Variants in AKAP13 observed in about 807,000 individuals in gnomAD.
AKAP13 encodes A-kinase anchoring protein 13.
In AKAP13, 80 loss-of-function variants were observed where a neutral mutation model predicts 264.5. The ratio of observed to expected loss-of-function variants is 0.30; its 90% CI spans 0.25 to 0.36. The LOEUF is 0.36. Ranked by LOEUF, AKAP13 falls within the 10% of genes least tolerant of loss-of-function variation. The pLI, the probability that AKAP13 is intolerant of heterozygous loss-of-function variation, is 1.00. For synonymous variants in AKAP13, 1,380 were observed against 1,250.2 expected (o/e 1.10, Z -2.19); for missense variants, 3,712 against 3,435.2 (o/e 1.08, Z -2.01).
intron 6 of AKAP13, among the ~76,000 whole-genome samples, chr15:85,575,944 C>G (rs568388363): frequency 3.9e-5 from 6 of 152,292 alleles, no homozygotes; most frequent in African/African-American, 1.4e-4. Context: ...TGAGATGACA[C>G]CACTGCACTC....
intron 1 of AKAP13, among the ~76,000 whole-genome samples, chr15:85,446,220 G>T (rs2073893734): frequency 1.3e-5 from 2 of 152,180 alleles, no homozygotes; most frequent in African/African-American, 4.8e-5. Flanking sequence ...GTTGAACCTT[G>T]TGATAACGTG....
chr15:85,503,396 A>G (rs1024097049), intron 2 of AKAP13, among the ~76,000 whole-genome samples: 9 of 152,196 alleles, frequency 5.9e-5, no homozygotes, highest in African/African-American at 2.2e-4. Flanking sequence ...CTGGTACTAT[A>G]GCCCCCAAAG....
chr15:85,736,429 G>T (rs201562309), intron 33 of AKAP13, among the ~76,000 whole-genome samples: 55 of 133,228 alleles, frequency 4.1e-4, no homozygotes, highest in Admixed American at 2.4e-3. Context: ...TTTTTTGTTT[G>T]TTTGTTTGTT....
intron 1 of AKAP13, among the ~76,000 whole-genome samples, chr15:85,433,720 G>T (rs2073128942): frequency 6.6e-6 from 1 of 151,962 alleles, no homozygotes; most frequent in African/African-American, 2.4e-5. Flanking sequence ...ACTTTGGGAG[G>T]CTGAAGTGGG....
At chr15:85,629,556 C>G (rs987459778) in intron 8 of AKAP13, among the ~76,000 whole-genome samples, 1 of 152,038 alleles carries the variant, frequency 6.6e-6, no homozygotes, top group Non-Finnish European at 1.5e-5. Context: ...TCTCTGGAAG[C>G]TTATGGTCTT....
In AKAP13 at chr15:85,664,745, T is replaced by C. The variant is rs1447202957; in HGVS notation, c.4982T>C (p.Phe1661Ser). 1.2e-6 allele frequency: 2 copies of C among 1,612,114 alleles called. No individual in the cohort carries two copies. Among genetic ancestry groups the C allele is most frequent in the Non-Finnish European group, 1.7e-6 (2 of 1,179,308 alleles). ...LESDQREHRM[F>S]DQQICHRSKQ... ...TCAGACCAGAGAGAACATAGGATGT[T>C]TGATCAGCAGGTAAGTCTTAAATAT... The change falls in exon 13 of 37, where the codon TTT becomes TCT. Residue 1661 changes from phenylalanine to serine, a missense_variant. Phe to Ser is a radical substitution (Grantham distance 155, BLOSUM62 -2). This residue lies in a region of AKAP13 where 2,759 missense variants were observed against 2,411.7 expected (regional missense o/e 1.14). Coordinates refer to ENST00000394518, the MANE Select transcript of AKAP13 (RefSeq NM_007200.5).
chr15:85,734,179 C>T (rs1161074329), intron 30 of AKAP13, among the ~76,000 whole-genome samples: 2 of 152,170 alleles, frequency 1.3e-5, no homozygotes, highest in African/African-American at 4.8e-5. Context: ...ATTTTATGGA[C>T]ATGTCTTTCC....
At chr15:85,495,534 G>A (rs773975077) in intron 2 of AKAP13, among the ~76,000 whole-genome samples, 3 of 152,102 alleles carry the variant, frequency 2.0e-5, no homozygotes, top group Non-Finnish European at 4.4e-5. Context: ...ACATCTCTGT[G>A]TCTCCCTCAG....
Position 85,682,230 on chromosome 15 carries a change from C to T in AKAP13, c.5156+18C>T, listed in dbSNP as rs1467132102. The stretch of plus-strand genomic sequence containing the variant: ...ACTGAGAGGTACTATAAATTTGTTA[C>T]TCCTTTTTCCAGAAATAAAATGAAG... On this transcript the variant is annotated intron_variant, in intron 15 of 36. Transcript: ENST00000394518. 11 of 1,608,996 alleles carry T rather than the reference C, an allele frequency of 6.8e-6. No individual in the cohort carries two copies. Among genetic ancestry groups the T allele is most frequent in the Non-Finnish European group, 5.9e-6 (7 of 1,177,300 alleles).
At chr15:85,454,706 G>A (rs769598141) in intron 1 of AKAP13, among the ~76,000 whole-genome samples, 2 of 152,104 alleles carry the variant, frequency 1.3e-5, no homozygotes, top group African/African-American at 4.8e-5. Flanking sequence ...CATTTAAAGT[G>A]TACAGTTATT....
At chr15:85,587,295 G>GTA in intron 8 of AKAP13, among the ~76,000 whole-genome samples, 1 of 152,308 alleles carries the variant, frequency 6.6e-6, no homozygotes. Flanking sequence ...CATGTAAATG[G>GTA]TATAACACAA....
At chr15:85,532,856 C>T (rs1040495491) in intron 3 of AKAP13, among the ~76,000 whole-genome samples, 1 of 152,158 alleles carries the variant, frequency 6.6e-6, no homozygotes, top group African/African-American at 2.4e-5. Context: ...ACACTGGGCA[C>T]CATGGAGTCC....
chr15:85,427,967 T>C lies in AKAP13; in HGVS notation c.-12+47169T>C, dbSNP rs777333937. Among the ~76,000 whole-genome samples, 219 of 152,294 alleles carry C rather than the reference T, an allele frequency of 1.4e-3. 2 individuals carry two copies. The highest frequency in any genetic ancestry group is 1.1e-3 in the African/African-American group (45 of 41,566). ...GGATCACCAGTTTTCAGAGGAACAT[T>C]GATGAACTGGAGCTTACTGTCCAAC... On this transcript the variant is annotated intron_variant, in intron 1 of 36. Transcript: ENST00000394518.
At chr15:85,399,816 CAG>C (rs1392274276) in intron 1 of AKAP13, among the ~76,000 whole-genome samples, 1 of 152,084 alleles carries the variant, frequency 6.6e-6, no homozygotes, top group Non-Finnish European at 1.5e-5. Flanking sequence ...AGCAATAAAA[CAG>C]GGAAGTATTT....
rs192834656 is a variant in AKAP13, at chr15:85,538,724, C to T, written c.478+4844C>T. Among the ~76,000 whole-genome samples the T allele has an allele frequency of 5.1e-4, 77 of 151,388 alleles. 1 individual carries two copies. The highest frequency in any genetic ancestry group is 3.4e-3 in the Middle Eastern group (1 of 290). ...CAGGATGGTCTCGATCTCCTGACCTCGTGATCCTCCCGCCTCGGCCTCCCA... is the reference window on the plus strand; with the variant it reads ...CAGGATGGTCTCGATCTCCTGACCTTGTGATCCTCCCGCCTCGGCCTCCCA... On this transcript the variant is annotated intron_variant, in intron 4 of 36. Coordinates refer to ENST00000394518, the MANE Select transcript of AKAP13 (RefSeq NM_007200.5).
Position 85,461,637 on chromosome 15 carries a change from G to A in AKAP13, c.-11-24073G>A, listed in dbSNP as rs1010317174. On this transcript the variant is annotated intron_variant, in intron 1 of 36. Coordinates refer to ENST00000394518, the MANE Select transcript of AKAP13 (RefSeq NM_007200.5). ...TTTTGTTGTTGTTGTTGGGGGAGGG[G>A]TGCAGGGAAGTCTCTTTCCTTCTTG... Among the ~76,000 whole-genome samples the A allele has an allele frequency of 5.3e-5, 8 of 151,950 alleles. No homozygotes were observed. The South Asian group carries it at 1.5e-3, about 28-fold the overall frequency.
chr15:85,680,799 G>A (rs535504696), intron 14 of AKAP13, among the ~76,000 whole-genome samples: 3 of 152,194 alleles, frequency 2.0e-5, no homozygotes, highest in South Asian at 2.1e-4. Context: ...TTTCAAATGC[G>A]GGTAATCTGG....
At chr15:85,397,893 A>G (rs2071197707) in intron 1 of AKAP13, among the ~76,000 whole-genome samples, 1 of 152,234 alleles carries the variant, frequency 6.6e-6, no homozygotes, top group African/African-American at 2.4e-5. Context: ...ATTTATTATT[A>G]CTTTCCATTT....
chr15:85,568,990 A>G (rs1384969729), intron 5 of AKAP13, among the ~76,000 whole-genome samples: 1 of 152,180 alleles, frequency 6.6e-6, no homozygotes, highest in Non-Finnish European at 1.5e-5. Context: ...AGGATTTGAA[A>G]TAAGGAGCTG....
Sources: gnomAD v4.1 joint callset for allele counts (sites outside exome capture counted in the v4.1 genomes callset) on GRCh38, gnomAD v4.1.1 for gene constraint, gnomAD v4.1.1 regional missense constraint, MANE v1.5 for transcripts, NCBI Gene and HGNC (gene_info 2026-07-23, HGNC 2026-07-21) for gene names.